The following ZC3H11A variants were observed in gnomAD, a reference collection of about 807,000 sequenced individuals.
ZC3H11A encodes the protein zinc finger CCCH-type containing 11A, also known as zinc finger CCCH domain-containing protein 11A.
ZC3H11A carries 22 observed loss-of-function variants against 90.8 expected under a neutral mutation model. That is an observed-to-expected ratio of 0.24 (90% CI 0.17 to 0.35). The LOEUF (loss-of-function observed/expected upper bound fraction) is 0.35, where lower values mean the gene tolerates loss of function less well. Among genes scored for constraint, ZC3H11A ranks in the 10% least tolerant of loss-of-function variants. The pLI is 1.00. For missense variants in ZC3H11A, 701 were observed against 964.9 expected, an observed-to-expected ratio of 0.73 and a Z score of 3.62; for synonymous variants, 294 against 339.8, an observed-to-expected ratio of 0.87 and a Z score of 1.48.
At chr1:203,814,347 A>T (rs541625906) in intron 2 of ZC3H11A, among the ~76,000 whole-genome samples, 1 of 152,302 alleles carries the variant, frequency 6.6e-6, no homozygotes, top group East Asian at 1.9e-4. Flanking sequence ...AACATGGCGA[A>T]ACCCTGTCTC....
chr1:203,838,954 C>CAAAAAAAAAAA (rs59033094), intron 11 of ZC3H11A, among the ~76,000 whole-genome samples: 7 of 97,928 alleles, frequency 7.1e-5, no homozygotes, highest in South Asian at 3.1e-4. Flanking sequence ...GACTTCATCT[C>CAAAAAAAAAAA]AAAAAAAAAA....
At chr1:203,846,343 C>T (rs762871127) in intron 12 of ZC3H11A, among the ~76,000 whole-genome samples, 24 of 152,156 alleles carry the variant, frequency 1.6e-4, no homozygotes, top group South Asian at 1.0e-3. Context: ...AGATATAGAA[C>T]GATTAATGTA....
intron 4 of ZC3H11A, among the ~76,000 whole-genome samples, chr1:203,825,937 G>A (rs1680379106): frequency 6.6e-6 from 1 of 152,046 alleles, no homozygotes; most frequent in African/African-American, 2.4e-5. Flanking sequence ...ACAAAATCTA[G>A]CAAATGTATT....
rs199602009 is a variant in ZC3H11A, at chr1:203,847,693, A to G, written c.1546+6A>G. On this transcript the variant is annotated splice_donor_region_variant and intron_variant, in intron 13 of 17. Transcript: ENST00000367210. ...GCGAATCACCAAAAGAACAGGTAAC[A>G]AGAGAACTTGGTCTCTAGTACCACG... 6 of 1,610,158 alleles carry G rather than the reference A, an allele frequency of 3.7e-6. No individual in the cohort carries two copies. In the South Asian group the frequency reaches 4.4e-5, roughly 12 times the overall value.
At chr1:203,819,265 A>G (rs1677570443) in intron 4 of ZC3H11A, among the ~76,000 whole-genome samples, 1 of 144,424 alleles carries the variant, frequency 6.9e-6, no homozygotes, top group African/African-American at 2.6e-5. Context: ...TCTGTCGCCC[A>G]CGCTGGAGTG....
chr1:203,831,809 A>G (rs1200428854), intron 9 of ZC3H11A, 38 bp downstream of exon 9: 3 of 1,515,204 alleles, frequency 2.0e-6, no homozygotes, highest in African/African-American at 2.8e-5. Flanking sequence ...TCAAGCCTCT[A>G]CTTTTATATA....
In ZC3H11A at chr1:203,854,039, T is replaced by C. The variant is rs1482708037; in HGVS notation, c.*1640T>C. ...TAAAGCACTTGTATTAGTCAATGTT[T>C]CGTGTTCCGCATTATTTGAACCATT... On this transcript the variant is annotated 3_prime_UTR_variant, in exon 18 of 18. Coordinates refer to ENST00000367210, the MANE Select transcript of ZC3H11A (RefSeq NM_001376342.1). 1.3e-5 allele frequency: 2 copies of C among 152,706 alleles called. No individual in the cohort carries two copies. The highest frequency in any genetic ancestry group is 2.1e-4 in the South Asian group (1 of 4,836). 9.5% of individuals were successfully genotyped at this position (152,706 alleles called of 1,614,324 possible).
chr1:203,800,049 G>T, intron 1 of ZC3H11A: 1 of 1,536,090 alleles, frequency 6.5e-7, no homozygotes, highest in Non-Finnish European at 8.7e-7. Context: ...TTCAGGTTCT[G>T]TTGATAGCTC....
intron 1 of ZC3H11A, chr1:203,798,842 G>A: frequency 6.5e-7 from 1 of 1,536,106 alleles, no homozygotes; most frequent in Non-Finnish European, 8.7e-7. Context: ...TGCAGATTGT[G>A]GCCCCTGATT....
chr1:203,850,896 T>TA (rs1689090627), intron 16 of ZC3H11A, among the ~76,000 whole-genome samples, 161 bp from the exon 17 acceptor site: 1 of 152,246 alleles, frequency 6.6e-6, no homozygotes, highest in African/African-American at 2.4e-5. Flanking sequence ...GGTGGCAAGA[T>TA]ATTTTGCTTA....
chr1:203,797,596 C>T (rs1464695641), intron 1 of ZC3H11A: 2 of 1,533,920 alleles, frequency 1.3e-6, no homozygotes, highest in African/African-American at 2.7e-5. Flanking sequence ...TTTAGTGATT[C>T]TGGGATTCTG....
Position 203,847,172 on chromosome 1 carries a change from C to T in ZC3H11A, c.1043-12C>T. ...TCAAGTATAATGACATGTTTTTCTC[C>T]TGTGAAAACAGATAAAGTTAATAAA... On this transcript the variant is annotated splice_polypyrimidine_tract_variant and intron_variant, in intron 12 of 17. Transcript: ENST00000367210. 6.2e-7 allele frequency: 1 copy of T among 1,610,414 alleles called. No individual in the cohort carries two copies. Among genetic ancestry groups the T allele is most frequent in the East Asian group, 2.2e-5 (1 of 44,868 alleles).
At chr1:203,816,490 A>G (rs547172606) in intron 2 of ZC3H11A, among the ~76,000 whole-genome samples, 1 of 152,022 alleles carries the variant, frequency 6.6e-6, no homozygotes, top group Non-Finnish European at 1.5e-5. Context: ...TTAGCTGGGT[A>G]TAGTGGTATG....
chr1:203,831,021 C>T (rs1420442906), intron 8 of ZC3H11A, among the ~76,000 whole-genome samples: 2 of 143,116 alleles, frequency 1.4e-5, no homozygotes, highest in Non-Finnish European at 3.0e-5. Context: ...TCTTTGCTCA[C>T]CACAACCTCC....
intron 2 of ZC3H11A, among the ~76,000 whole-genome samples, chr1:203,812,418 C>T (rs1056296738): frequency 2.6e-5 from 4 of 152,056 alleles, no homozygotes; most frequent in African/African-American, 7.2e-5. Context: ...GGATAATAGC[C>T]TCTGGCTCCA....
intron 2 of ZC3H11A, among the ~76,000 whole-genome samples, chr1:203,809,977 A>G (rs1673793045): frequency 6.6e-6 from 1 of 152,118 alleles, no homozygotes; most frequent in African/African-American, 2.4e-5. Flanking sequence ...TAAACAAAAA[A>G]AAGTAACTGG....
intron 4 of ZC3H11A, among the ~76,000 whole-genome samples, chr1:203,825,076 C>CAAAAAAAAAA (rs61108073): frequency 9.2e-6 from 1 of 108,988 alleles, no homozygotes. Context: ...GACTCCGTCT[C>CAAAAAAAAAA]AAAAAAAAAA....
At chr1:203,850,748 C>T (rs1689062701) in intron 16 of ZC3H11A, 67 bp downstream of exon 16, 1 of 1,553,946 alleles carries the variant, frequency 6.4e-7, no homozygotes, top group Admixed American at 1.9e-5. Flanking sequence ...GACTAACTCT[C>T]CACTAGCATT....
chr1:203,816,764 T>C (rs1405323470), intron 2 of ZC3H11A, among the ~76,000 whole-genome samples, 162 bp from the exon 3 acceptor site: 1 of 152,196 alleles, frequency 6.6e-6, no homozygotes, highest in Non-Finnish European at 1.5e-5. Context: ...ACATTGTAGA[T>C]GGGAATGTAC....
Sources: allele counts gnomAD v4.1 joint callset (sites outside exome capture counted in the v4.1 genomes callset), GRCh38; gene constraint gnomAD v4.1.1; transcripts MANE v1.5; gene names NCBI Gene and HGNC (gene_info 2026-07-23, HGNC 2026-07-21).